Variants in CCDC178 observed in about 807,000 individuals in gnomAD.
CCDC178 encodes the protein coiled-coil domain containing 178, also known as coiled-coil domain-containing protein 178.
In CCDC178, 126 loss-of-function variants were observed where a neutral mutation model predicts 117.4. The ratio of observed to expected loss-of-function variants is 1.07; its 90% CI spans 0.93 to 1.24. The LOEUF is 1.24. Ranked by LOEUF, CCDC178 falls within the 50% of genes most tolerant of loss-of-function variation. The probability of loss-of-function intolerance (pLI) is 0.00; values close to 1 mark genes in which losing one functional copy is unlikely to be tolerated. For synonymous variants in CCDC178, 283 were observed against 313.4 expected, an observed-to-expected ratio of 0.90 and a Z score of 1.02; for missense variants, 1,030 against 986.9, an observed-to-expected ratio of 1.04 and a Z score of -0.59.
chr18:32,949,305 A>G (rs906400492), intron 22 of CCDC178, among the ~76,000 whole-genome samples: 4 of 152,052 alleles, frequency 2.6e-5, no homozygotes, highest in Non-Finnish European at 5.9e-5. Context: ...AGATGAAAAA[A>G]TTAACCATGA....
intron 2 of CCDC178, among the ~76,000 whole-genome samples, chr18:33,417,492 G>A (rs1378429805): frequency 5.3e-5 from 8 of 150,352 alleles, no homozygotes; most frequent in Non-Finnish European, 8.9e-5. Flanking sequence ...TGTTGGTGAT[G>A]ATATACAAAG....
chr18:33,036,103 C>T (rs998287994), intron 21 of CCDC178, among the ~76,000 whole-genome samples: 1 of 151,626 alleles, frequency 6.6e-6, no homozygotes, highest in Non-Finnish European at 1.5e-5. Flanking sequence ...ACAAGAATGG[C>T]AAATGTAGTA....
At chr18:33,090,946 T>C (rs1047950680) in intron 21 of CCDC178, among the ~76,000 whole-genome samples, 1 of 152,168 alleles carries the variant, frequency 6.6e-6, no homozygotes, top group Non-Finnish European at 1.5e-5. Context: ...TATGAAAATG[T>C]GATGTTAGGG....
chr18:33,237,400 C>T (rs2059437629), intron 15 of CCDC178, among the ~76,000 whole-genome samples: 1 of 152,160 alleles, frequency 6.6e-6, no homozygotes. Context: ...AGCCAATAAA[C>T]AGCTGGTCTG....
At chr18:33,435,894 G>T (rs1313994361) in intron 2 of CCDC178, among the ~76,000 whole-genome samples, 2 of 151,936 alleles carry the variant, frequency 1.3e-5, no homozygotes, top group African/African-American at 4.8e-5. Context: ...TCTGAAATCA[G>T]ATCTACGTGA....
At chr18:33,383,124 G>A (rs897839365) in intron 5 of CCDC178, among the ~76,000 whole-genome samples, 4 of 152,174 alleles carry the variant, frequency 2.6e-5, no homozygotes, top group African/African-American at 9.6e-5. Flanking sequence ...CAAAGCAGCT[G>A]TGGCCAGACT....
At chr18:33,261,125 C>T (rs1224102311) in intron 14 of CCDC178, among the ~76,000 whole-genome samples, 1 of 151,422 alleles carries the variant, frequency 6.6e-6, no homozygotes, top group Non-Finnish European at 1.5e-5. Context: ...GCTCTGTCGC[C>T]CAGGCTGGAG....
intron 3 of CCDC178, among the ~76,000 whole-genome samples, chr18:33,407,868 C>T (rs2063802161): frequency 6.6e-6 from 1 of 151,576 alleles, no homozygotes; most frequent in South Asian, 2.1e-4. Context: ...AATATATTAT[C>T]TTTTTTGGAG....
chr18:33,303,796 A>C (rs1319630428), intron 11 of CCDC178, among the ~76,000 whole-genome samples: 3 of 152,136 alleles, frequency 2.0e-5, no homozygotes, highest in African/African-American at 7.2e-5. Context: ...GTTCAAGGAT[A>C]TTTTTAGGGG....
intron 10 of CCDC178, chr18:33,328,205 C>A (rs1376486327): frequency 4.0e-6 from 1 of 252,402 alleles, no homozygotes; most frequent in Non-Finnish European, 7.5e-6. Context: ...CGGGCTCAAG[C>A]GATTCTTCTG....
At chr18:32,962,510 A>AT (rs1391680114) in intron 22 of CCDC178, among the ~76,000 whole-genome samples, 1 of 151,814 alleles carries the variant, frequency 6.6e-6, no homozygotes, top group Non-Finnish European at 1.5e-5. Context: ...TTTGAAAGAT[A>AT]TTTTTTCTGG....
chr18:33,147,356 A>ATTTTTTTTTTTTTTTTTTTTTTTT (rs575608507), intron 20 of CCDC178, among the ~76,000 whole-genome samples: 1 of 94,620 alleles, frequency 1.1e-5, no homozygotes, highest in African/African-American at 4.7e-5. Context: ...TGCCTTTTTA[A>ATTTTTTTTTTTTTTTTTTTTTTTT]TTTTTTTTTT....
chr18:32,943,926 T>C (rs754471142), intron 22 of CCDC178, among the ~76,000 whole-genome samples: 11 of 152,350 alleles, frequency 7.2e-5, no homozygotes, highest in Admixed American at 1.3e-4. Context: ...TAGTTACTTT[T>C]CAAACCTTGT....
intron 10 of CCDC178, among the ~76,000 whole-genome samples, chr18:33,324,420 G>A (rs980847792): frequency 4.0e-5 from 6 of 151,760 alleles, no homozygotes; most frequent in Non-Finnish European, 7.4e-5. Flanking sequence ...TTCTTCAAAC[G>A]TACTGTTAAA....
At chr18:32,999,359 T>C (rs755436590) in intron 21 of CCDC178, among the ~76,000 whole-genome samples, 4 of 152,172 alleles carry the variant, frequency 2.6e-5, no homozygotes, top group Non-Finnish European at 5.9e-5. Flanking sequence ...TTTCCAACTT[T>C]AGGCTCTGGC....
intron 4 of CCDC178, among the ~76,000 whole-genome samples, chr18:33,390,642 G>T (rs193029267): frequency 1.3e-5 from 2 of 152,022 alleles, no homozygotes; most frequent in East Asian, 3.9e-4. Context: ...ACTAAGCTAT[G>T]GTGATAAAAA....
At chr18:32,991,394 G>A (rs1212844665) in intron 21 of CCDC178, among the ~76,000 whole-genome samples, 1 of 152,080 alleles carries the variant, frequency 6.6e-6, no homozygotes, top group Non-Finnish European at 1.5e-5. Context: ...GGGGAAACTG[G>A]ACTTCACCAG....
At position 33,230,622 on chromosome 18, in the gene CCDC178, T is replaced by A. The variant is rs916240277; in HGVS notation, c.1594-3767A>T. ...TTCAAATTAAAAAGATGTTATTTTT[T>A]AAAAAAAATCTTTATATGAGGAGAA... On this transcript the variant is annotated intron_variant, in intron 15 of 22. Transcript: ENST00000383096. Among the ~76,000 whole-genome samples, 141 of 152,244 alleles carry A rather than the reference T, an allele frequency of 9.3e-4. 1 individual carries two copies. Among genetic ancestry groups the A allele is most frequent in the South Asian group, 6.2e-4 (3 of 4,824 alleles).
At chr18:33,231,405 T>C (rs2059365908) in intron 15 of CCDC178, among the ~76,000 whole-genome samples, 1 of 152,124 alleles carries the variant, frequency 6.6e-6, no homozygotes, top group Non-Finnish European at 1.5e-5. Flanking sequence ...AACAGATAAA[T>C]ACAATGCATG....
Sources: allele counts gnomAD v4.1 joint callset (sites outside exome capture counted in the v4.1 genomes callset), GRCh38; gene constraint gnomAD v4.1.1; transcripts MANE v1.5; gene names NCBI Gene and HGNC (gene_info 2026-07-23, HGNC 2026-07-21).